Variants in LRGUK observed in about 807,000 individuals in gnomAD.
The protein encoded by LRGUK is leucine rich repeats and guanylate kinase domain containing.
A neutral mutation model predicts 76.0 loss-of-function variants in LRGUK; 65 were observed. The ratio of observed to expected loss-of-function variants is 0.85; its 90% CI spans 0.70 to 1.05. The LOEUF (loss-of-function observed/expected upper bound fraction) is 1.05. Among genes scored for constraint, LRGUK ranks in the 50% least tolerant of loss-of-function variants. The pLI is 0.00. For synonymous variants in LRGUK, 268 were observed against 265.6 expected, an observed-to-expected ratio of 1.01 and a Z score of -0.09; for missense variants, 758 against 732.8, an observed-to-expected ratio of 1.03 and a Z score of -0.40.
chr7:134,192,742 T>C (rs559298525), intron 12 of LRGUK, among the ~76,000 whole-genome samples: 3 of 152,312 alleles, frequency 2.0e-5, no homozygotes, highest in Admixed American at 1.3e-4. Context: ...TTTTTACTTC[T>C]CCATGGCCCT....
chr7:134,192,694 A>G (rs1350291262), intron 12 of LRGUK, among the ~76,000 whole-genome samples: 5 of 152,234 alleles, frequency 3.3e-5, no homozygotes, highest in African/African-American at 4.8e-5. Flanking sequence ...GGAGTAGCTC[A>G]TATTTTCATC....
chr7:134,237,148 G>A (rs1054601504), intron 16 of LRGUK, among the ~76,000 whole-genome samples: 3 of 148,348 alleles, frequency 2.0e-5, no homozygotes, highest in South Asian at 2.1e-4. Flanking sequence ...TCCACCTCCC[G>A]GGTTCAAGTG....
In LRGUK at chr7:134,178,376, T is replaced by A. The variant is rs898333546; in HGVS notation, c.1108-127T>A. The A allele has an allele frequency of 5.2e-6, 3 of 572,950 alleles. No homozygotes were observed. The South Asian group carries it at 7.2e-5, about 14-fold the overall frequency. The allele number at this position is 572,950 out of a possible 1,614,324, so 35.5% of individuals were successfully genotyped here. A position where few individuals can be genotyped will look rare whatever the true frequency, so the allele number is the denominator to read the frequency against. On this transcript the variant is annotated intron_variant, in intron 9 of 15. Coordinates refer to ENST00000645682, the Ensembl canonical transcript of LRGUK. ...AAGACTGAATACTAATGTTAATGGG[T>A]GTGTGTTAAATTATTTTGTGTACCT...
chr7:134,225,454 CTG>C (rs1801719531), intron 16 of LRGUK, among the ~76,000 whole-genome samples: 2 of 152,312 alleles, frequency 1.3e-5, no homozygotes. Context: ...AGTGTCAGCA[CTG>C]TGGCATTTAC....
intron 16 of LRGUK, among the ~76,000 whole-genome samples, chr7:134,235,658 T>C (rs1411941778): frequency 2.6e-5 from 4 of 152,208 alleles, no homozygotes; most frequent in African/African-American, 7.2e-5. Flanking sequence ...GCAGAAATCA[T>C]TGTTACTCCC....
chr7:134,170,171 C>A (rs1016429996), intron 7 of LRGUK, among the ~76,000 whole-genome samples: 9 of 151,950 alleles, frequency 5.9e-5, no homozygotes, highest in African/African-American at 2.2e-4. Context: ...TCTATTCATG[C>A]CCTTAACTAT....
At chr7:134,182,349 G>C (rs540158199) in intron 10 of LRGUK, among the ~76,000 whole-genome samples, 1 of 152,286 alleles carries the variant, frequency 6.6e-6, no homozygotes, top group African/African-American at 2.4e-5. Context: ...ACAGCTTCAG[G>C]CTGCCTGCTC....
intron 15 of LRGUK, among the ~76,000 whole-genome samples, chr7:134,220,568 GTCT>G (rs1258991571): frequency 2.8e-4 from 42 of 150,986 alleles, no homozygotes; most frequent in Admixed American, 2.0e-3. Context: ...AACAGTCCAG[GTCT>G]TCTTCTTCTT....
chr7:134,241,326 C>A (rs1312334992), intron 16 of LRGUK, among the ~76,000 whole-genome samples: 1 of 152,060 alleles, frequency 6.6e-6, no homozygotes, highest in East Asian at 1.9e-4. Flanking sequence ...TGCAGAGACA[C>A]ACATAGGCTC....
chr7:134,207,612 C>A (rs947270554), intron 15 of LRGUK, among the ~76,000 whole-genome samples: 1 of 152,138 alleles, frequency 6.6e-6, no homozygotes. Flanking sequence ...CAGTGAGAAC[C>A]CAGCAGTGCA....
the LRGUK span, among the ~76,000 whole-genome samples, chr7:134,275,180 T>TA: frequency 6.6e-6 from 1 of 152,162 alleles, no homozygotes; most frequent in Non-Finnish European, 1.5e-5. Flanking sequence ...AATTAGAAAT[T>TA]ACAGACTCAG....
intron 15 of LRGUK, among the ~76,000 whole-genome samples, chr7:134,216,704 T>C (rs1364700579): frequency 6.6e-6 from 1 of 152,170 alleles, no homozygotes; most frequent in African/African-American, 2.4e-5. Flanking sequence ...TAGTAGATAT[T>C]TTCTTTTCTT....
chr7:134,157,326 G>A (rs1798511663), intron 5 of LRGUK, among the ~76,000 whole-genome samples: 2 of 152,150 alleles, frequency 1.3e-5, no homozygotes, highest in Admixed American at 1.3e-4. Context: ...CCAGTTATGA[G>A]GATGATAATG....
chr7:134,205,561 T>A (rs1286039958), intron 15 of LRGUK, among the ~76,000 whole-genome samples: 4 of 152,210 alleles, frequency 2.6e-5, no homozygotes, highest in African/African-American at 9.7e-5. Context: ...ATAGTTTTAG[T>A]ATAATGAATT....
chr7:134,232,964 C>G (rs944542317), intron 16 of LRGUK, among the ~76,000 whole-genome samples: 2 of 152,070 alleles, frequency 1.3e-5, no homozygotes, highest in Non-Finnish European at 2.9e-5. Context: ...TTTTAATCAG[C>G]CTTACTTCAT....
At chr7:134,230,080 T>C (rs1488437824) in intron 16 of LRGUK, among the ~76,000 whole-genome samples, 2 of 151,732 alleles carry the variant, frequency 1.3e-5, no homozygotes, top group Admixed American at 6.6e-5. Flanking sequence ...AAACACAGCA[T>C]GAGGAAAAAA....
intron 1 of LRGUK, among the ~76,000 whole-genome samples, chr7:134,129,028 G>C (rs912982944): frequency 7.4e-5 from 11 of 149,046 alleles, no homozygotes; most frequent in African/African-American, 2.3e-4. Flanking sequence ...ATATAATATA[G>C]AGAAGTAGAA....
intron 6 of LRGUK, among the ~76,000 whole-genome samples, chr7:134,159,815 T>C (rs59586797): frequency 0.13 from 19,721 of 151,930 alleles, 1,616 homozygotes; most frequent in East Asian, 0.32. Flanking sequence ...CAAAAAAACA[T>C]CAACCAAACC....
intron 15 of LRGUK, among the ~76,000 whole-genome samples, chr7:134,215,401 C>T (rs1309212814): frequency 3.3e-5 from 5 of 152,138 alleles, no homozygotes; most frequent in African/African-American, 1.2e-4. Flanking sequence ...TGCTTTGATG[C>T]TGTCCTTACT....
Sources: gnomAD v4.1 joint callset for allele counts (sites outside exome capture counted in the v4.1 genomes callset) on GRCh38, gnomAD v4.1.1 for gene constraint, MANE v1.5 for transcripts, NCBI Gene and HGNC (gene_info 2026-07-23, HGNC 2026-07-21) for gene names.